The following CFAP221 variants were observed in gnomAD, a reference collection of about 807,000 sequenced individuals.
CFAP221 encodes the protein cilia- and flagella-associated protein 221.
Under a neutral mutation model 113.1 loss-of-function variants are expected in CFAP221, and 97 were observed. That is an observed-to-expected ratio of 0.86 (90% CI 0.73 to 1.02). CFAP221 has a LOEUF of 1.02. Ranked by LOEUF, CFAP221 falls within the 50% of genes least tolerant of loss-of-function variation. The pLI is 0.00. For synonymous variants in CFAP221, 331 were observed against 354.4 expected, an observed-to-expected ratio of 0.93 and a Z score of 0.74; for missense variants, 1,025 against 1,013.4, an observed-to-expected ratio of 1.01 and a Z score of -0.16.
intron 14 of CFAP221, among the ~76,000 whole-genome samples, chr2:119,616,162 T>C (rs1685512654): frequency 6.6e-6 from 1 of 152,252 alleles, no homozygotes; most frequent in Non-Finnish European, 1.5e-5. Context: ...TATATAAGAA[T>C]CAAATCAAGA....
At chr2:119,616,882 C>G (rs1685567321) in intron 14 of CFAP221, among the ~76,000 whole-genome samples, 1 of 152,252 alleles carries the variant, frequency 6.6e-6, no homozygotes. Flanking sequence ...GCCTGTAAAT[C>G]TCTCATCTCT....
intron 3 of CFAP221, among the ~76,000 whole-genome samples, chr2:119,559,218 G>A (rs1681041415): frequency 6.6e-6 from 1 of 152,220 alleles, no homozygotes. Flanking sequence ...GGCGTGGATT[G>A]GAGGCTGTCT....
intron 14 of CFAP221, among the ~76,000 whole-genome samples, chr2:119,618,319 C>T (rs1289644267): frequency 6.6e-6 from 1 of 152,118 alleles, no homozygotes; most frequent in Non-Finnish European, 1.5e-5. Flanking sequence ...AGGAACAGCT[C>T]CTGTCTGCAG....
chr2:119,560,027 G>A lies in CFAP221; in HGVS notation c.426+1G>A, dbSNP rs976293098. Reference sequence around the variant, plus strand: ...TGACTGCATCCGTGTTCACTGTAAGGTAGGTCTCTTAAAATTGCTTTTTTT... The same window carrying A: ...TGACTGCATCCGTGTTCACTGTAAGATAGGTCTCTTAAAATTGCTTTTTTT... On this transcript the variant is annotated splice_donor_variant, in intron 5 of 23. Transcript: ENST00000413369. LOFTEE classifies it high-confidence loss of function. The A allele has an allele frequency of 9.8e-5, 139 of 1,417,690 alleles. No homozygotes were observed. Among genetic ancestry groups the A allele is most frequent in the Non-Finnish European group, 1.2e-4 (125 of 1,053,840 alleles). The allele number at this position is 1,417,690 out of a possible 1,614,324, so 87.8% of individuals were successfully genotyped here.
At chr2:119,605,657 C>T (rs1239766685) in intron 11 of CFAP221, among the ~76,000 whole-genome samples, 28 of 152,148 alleles carry the variant, frequency 1.8e-4, no homozygotes, top group Admixed American at 1.8e-3. Flanking sequence ...GCCCCAGAGG[C>T]CTTCTGGGTA....
rs1687249470 is a variant in CFAP221 at position 119,638,415 on chromosome 2, A to ACG, written c.2132_2133dup (p.Asp712ArgfsTer7). 6.2e-7 allele frequency: 1 copy of ACG among 1,613,912 alleles called. No individual in the cohort carries two copies. Among genetic ancestry groups the ACG allele is most frequent in the African/African-American group, 1.3e-5 (1 of 74,874 alleles). ...CACCCAAAAGCAGTTTCTCCATCAC[A>ACG]CGGTAATGTCATCACCAGGCTCACT... On this transcript the variant is annotated frameshift_variant and splice_region_variant, in exon 20 of 24. Coordinates refer to ENST00000413369, the MANE Select transcript of CFAP221 (RefSeq NM_001271049.2). LOFTEE classifies it high-confidence loss of function.
At chr2:119,635,108 C>T (rs965191707) in intron 19 of CFAP221, among the ~76,000 whole-genome samples, 7 of 152,112 alleles carry the variant, frequency 4.6e-5, no homozygotes, top group East Asian at 3.8e-4. Flanking sequence ...AATATGCACA[C>T]GAGAAGATGC....
intron 11 of CFAP221, 59 bp downstream of exon 11, chr2:119,605,348 C>A (rs1254456602): frequency 9.8e-6 from 13 of 1,323,034 alleles, no homozygotes; most frequent in East Asian, 2.3e-5. Flanking sequence ...AGGTGATGAT[C>A]TTTTATAAAT....
At chr2:119,637,307 T>TA (rs1382313324) in intron 19 of CFAP221, among the ~76,000 whole-genome samples, 1 of 152,144 alleles carries the variant, frequency 6.6e-6, no homozygotes, top group African/African-American at 2.4e-5. Context: ...CACCAACGCT[T>TA]ACCTCCTTTC....
rs530522468 is a variant in CFAP221, at chr2:119,611,516, C to G, written c.1222-137C>G. ...TAATCATACTGATCTTTTTTACCCA[C>G]TTGTGTTTCACCACTTCCAATGGGA... On this transcript the variant is annotated intron_variant, in intron 12 of 23. Transcript: ENST00000413369. 2.7e-3 allele frequency: 1,752 copies of G among 646,356 alleles called. 6 individuals carry two copies. The highest frequency in any genetic ancestry group is 3.9e-3 in the Non-Finnish European group (1,449 of 373,552). The allele number at this position is 646,356 out of a possible 1,614,324, so 40.0% of individuals were successfully genotyped here.
chr2:119,630,011 T>C, intron 17 of CFAP221, 56 bp downstream of exon 17: 1 of 1,436,302 alleles, frequency 7.0e-7, no homozygotes, highest in Non-Finnish European at 9.7e-7. Flanking sequence ...AAACAAAATA[T>C]TCTTGAATTT....
chr2:119,657,227 T>C (rs528976481), downstream of CFAP221, among the ~76,000 whole-genome samples: 157 of 152,328 alleles, frequency 1.0e-3, no homozygotes, highest in African/African-American at 3.2e-3. Context: ...CATTTTTCTA[T>C]GAATACATTT....
downstream of CFAP221, among the ~76,000 whole-genome samples, chr2:119,657,000 G>A (rs984932383): frequency 6.6e-6 from 1 of 152,172 alleles, no homozygotes; most frequent in African/African-American, 2.4e-5. Flanking sequence ...CCAGGAGGAA[G>A]CATCCTCCTG....
chr2:119,615,203 A>G (rs1385083031), intron 13 of CFAP221, among the ~76,000 whole-genome samples: 1 of 152,248 alleles, frequency 6.6e-6, no homozygotes, highest in Non-Finnish European at 1.5e-5. Flanking sequence ...CACATGTGGG[A>G]CAATACATGT....
intron 3 of CFAP221, among the ~76,000 whole-genome samples, 199 bp downstream of exon 3, chr2:119,549,384 G>C (rs1460247732): frequency 2.0e-5 from 3 of 152,046 alleles, no homozygotes; most frequent in African/African-American, 7.2e-5. Context: ...CTTGCCAAAG[G>C]CTCCCCTTGC....
At chr2:119,609,952 G>A (rs1478866072) in intron 12 of CFAP221, among the ~76,000 whole-genome samples, 1 of 151,838 alleles carries the variant, frequency 6.6e-6, no homozygotes, top group Non-Finnish European at 1.5e-5. Flanking sequence ...CATTACATTG[G>A]TAAATCTTTG....
intron 19 of CFAP221, among the ~76,000 whole-genome samples, chr2:119,632,681 C>T (rs1686853604): frequency 2.0e-5 from 2 of 102,176 alleles, no homozygotes; most frequent in African/African-American, 3.9e-5. Flanking sequence ...GAAAAGAAGA[C>T]ATAAAGCTGT....
At chr2:119,600,465 T>C (rs937900535) in intron 7 of CFAP221, among the ~76,000 whole-genome samples, 3 of 152,246 alleles carry the variant, frequency 2.0e-5, no homozygotes, top group African/African-American at 7.2e-5. Flanking sequence ...GTTCTGGGAA[T>C]TCATGTCTGA....
rs577530015 is a variant in CFAP221 at position 119,647,157 on chromosome 2, A to G, written c.2318+107A>G. 3.7e-6 allele frequency: 3 copies of G among 800,838 alleles called. No individual in the cohort carries two copies. In the African/African-American group the frequency reaches 5.2e-5, roughly 14 times the overall value. The allele number at this position is 800,838 out of a possible 1,614,324, so 49.6% of individuals were successfully genotyped here. ...ATAGCACACAGTTCCTGAGCTTGCA[A>G]CTCAAATGAGAAGATAAGGCTAACA... On this transcript the variant is annotated intron_variant, in intron 22 of 23. Transcript: ENST00000413369.
Sources: gnomAD v4.1 joint callset for allele counts (sites outside exome capture counted in the v4.1 genomes callset) on GRCh38, gnomAD v4.1.1 for gene constraint, MANE v1.5 for transcripts, NCBI Gene and HGNC (gene_info 2026-07-23, HGNC 2026-07-21) for gene names.